Variants in ADCY9 observed in about 807,000 individuals in gnomAD.
ADCY9 encodes the protein adenylate cyclase 9, also known as adenylate cyclase type 9.
A neutral mutation model predicts 101.5 loss-of-function variants in ADCY9; 50 were observed. The ratio of observed to expected loss-of-function variants is 0.49; its 90% CI spans 0.39 to 0.62. The LOEUF is 0.62. ADCY9 is among the 20% of genes least tolerant of loss of function. The pLI, the probability that ADCY9 is intolerant of heterozygous loss-of-function variation, is 0.00. For missense variants in ADCY9, 1,662 were observed against 1,800.4 expected (o/e 0.92, Z 1.39); for synonymous variants, 905 against 769.3 (o/e 1.18, Z -2.92).
In ADCY9 at chr16:4,114,876, A is replaced by G; in HGVS notation, c.567T>C (p.Ala189=). The G allele has an allele frequency of 6.2e-7, 1 of 1,613,780 alleles. No individual in the cohort carries two copies. The highest frequency in any genetic ancestry group is 8.5e-7 in the Non-Finnish European group (1 of 1,180,034). Residue 189 remains alanine (A), a synonymous_variant, in exon 2 of 11, where the codon GCT becomes GCC. Coordinates refer to ENST00000294016, the MANE Select transcript of ADCY9 (RefSeq NM_001116.4). The surrounding 1 kb of genome is among the most constrained non-coding windows in gnomAD (Gnocchi z 4.3). ...LTLLVFALTL[A]AQFQVLTPVS... ...CAGGCGTCAAGACCTGGAACTGCGC[A>G]GCCAGGGTCAGGGCGAACACCAGCA...
chr16:4,097,487 T>TATACACACAC (rs76750792), intron 2 of ADCY9, among the ~76,000 whole-genome samples: 77 of 72,482 alleles, frequency 1.1e-3, no homozygotes, highest in South Asian at 2.8e-3. Flanking sequence ...TATATATATA[T>TATACACACAC]ACACACACAC....
At chr16:4,067,937 A>C (rs564589897) in intron 2 of ADCY9, among the ~76,000 whole-genome samples, 1 of 152,338 alleles carries the variant, frequency 6.6e-6, no homozygotes, top group East Asian at 1.9e-4. Context: ...CATAGAATTT[A>C]ATTAATTCTT....
chr16:4,076,234 T>C (rs1313434898), intron 2 of ADCY9, among the ~76,000 whole-genome samples: 2 of 152,168 alleles, frequency 1.3e-5, no homozygotes, highest in African/African-American at 4.8e-5. Context: ...ACAAAATTAG[T>C]GCCCAATTTC....
chr16:4,023,549 C>T (rs1354541394), intron 2 of ADCY9, among the ~76,000 whole-genome samples: 1 of 152,146 alleles, frequency 6.6e-6, no homozygotes, highest in African/African-American at 2.4e-5. Flanking sequence ...GTTCCCGATG[C>T]AGACTGAGGG....
At chr16:4,015,005 C>T (rs1371546282) in intron 2 of ADCY9, among the ~76,000 whole-genome samples, 5 of 133,188 alleles carry the variant, frequency 3.8e-5, no homozygotes, top group African/African-American at 5.6e-5. Context: ...ACAGTGGCTC[C>T]CTCAGCTCAC....
At position 3,966,555 on chromosome 16, in the gene ADCY9, C is replaced by T. The variant is rs146978463; in HGVS notation, c.3282G>A (p.Glu1094=). 3.4e-5 allele frequency: 55 copies of T among 1,614,052 alleles called. No individual in the cohort carries two copies. The African/African-American group carries it at 4.5e-4, about 13-fold the overall frequency. The change falls in exon 11 of 11, where the codon GAG becomes GAA. Residue 1094 remains glutamate (E), a synonymous_variant. Coordinates refer to ENST00000294016, the MANE Select transcript of ADCY9 (RefSeq NM_001116.4). Reference sequence around the variant, plus strand: ...TGCTGTAGTCCGGCTTGCTTAGGAGCTCGTCAAAGTCCCCGATGAGCTCGT... The same window carrying T: ...TGCTGTAGTCCGGCTTGCTTAGGAGTTCGTCAAAGTCCCCGATGAGCTCGT... ...VLNELIGDFD[E]LLSKPDYSSI...
intron 2 of ADCY9, among the ~76,000 whole-genome samples, chr16:4,083,596 A>T (rs554869852): frequency 1.3e-5 from 2 of 152,378 alleles, no homozygotes; most frequent in African/African-American, 4.8e-5. Context: ...TCAAAAAGTG[A>T]AACAACCCAA....
At chr16:3,989,818 CAT>C (rs557379679) in intron 5 of ADCY9, among the ~76,000 whole-genome samples, 149 of 152,320 alleles carry the variant, frequency 9.8e-4, no homozygotes, top group Admixed American at 8.5e-3. Flanking sequence ...CAAACGAAAA[CAT>C]AATTCAGAAC....
At chr16:4,072,040 A>G (rs977587287) in intron 2 of ADCY9, among the ~76,000 whole-genome samples, 1 of 152,170 alleles carries the variant, frequency 6.6e-6, no homozygotes, top group Admixed American at 6.5e-5. Flanking sequence ...TGTTTTGCCT[A>G]TTCTGACAGA....
intron 2 of ADCY9, among the ~76,000 whole-genome samples, chr16:4,097,064 T>A (rs1308249972): frequency 6.6e-6 from 1 of 152,134 alleles, no homozygotes; most frequent in Non-Finnish European, 1.5e-5. Context: ...ATATACTTCT[T>A]GAAATCTCCA....
At chr16:4,110,368 T>C (rs2057105902) in intron 2 of ADCY9, among the ~76,000 whole-genome samples, 1 of 148,632 alleles carries the variant, frequency 6.7e-6, no homozygotes, top group African/African-American at 2.5e-5. Flanking sequence ...CAATCATACT[T>C]ATACCTACTT....
chr16:4,059,636 A>T (rs1299186147), intron 2 of ADCY9, among the ~76,000 whole-genome samples: 1 of 151,380 alleles, frequency 6.6e-6, no homozygotes, highest in African/African-American at 2.4e-5. Flanking sequence ...GGTGGCTCCC[A>T]CCTGCAATTG....
intron 2 of ADCY9, among the ~76,000 whole-genome samples, chr16:4,040,934 G>A (rs534393148): frequency 7.2e-5 from 11 of 152,134 alleles, no homozygotes; most frequent in Non-Finnish European, 1.6e-4. Context: ...TCTGCTTCCA[G>A]TAGACATGGG....
chr16:3,960,099 C>A (rs978980135), downstream of ADCY9, among the ~76,000 whole-genome samples: 1 of 152,102 alleles, frequency 6.6e-6, no homozygotes, highest in Middle Eastern at 3.2e-3. Context: ...AGGTTTCCAG[C>A]GGAGAGTCCA....
At chr16:4,039,580 G>A (rs2056612949) in intron 2 of ADCY9, among the ~76,000 whole-genome samples, 1 of 150,354 alleles carries the variant, frequency 6.7e-6, no homozygotes, top group Admixed American at 6.7e-5. Flanking sequence ...TCGGGACGCT[G>A]AGATAGGAGA....
chr16:4,102,506 A>T (rs1003924502), intron 2 of ADCY9, among the ~76,000 whole-genome samples: 70 of 151,874 alleles, frequency 4.6e-4, no homozygotes, highest in African/African-American at 1.5e-3. Context: ...GCTCACCGCA[A>T]CCTCCGCCTC....
intron 3 of ADCY9, among the ~76,000 whole-genome samples, chr16:3,996,696 T>C (rs913425795): frequency 1.3e-5 from 2 of 152,230 alleles, no homozygotes; most frequent in Non-Finnish European, 2.9e-5. Context: ...TTAACTATGC[T>C]CTCTGGTCAT....
At chr16:3,956,644 C>G (rs2141661765) in intron 5 of ADCY9, among the ~76,000 whole-genome samples, 1 of 144,186 alleles carries the variant, frequency 6.9e-6, no homozygotes, top group South Asian at 2.3e-4. Flanking sequence ...GTGCATGCCA[C>G]CACACCTGGC....
downstream of ADCY9, among the ~76,000 whole-genome samples, chr16:3,958,317 A>T (rs2141662648): frequency 6.6e-6 from 1 of 152,230 alleles, no homozygotes; most frequent in South Asian, 2.1e-4. Context: ...TGAGGCGGGC[A>T]GATCACCTGA....
Sources: allele counts gnomAD v4.1 joint callset (sites outside exome capture counted in the v4.1 genomes callset), GRCh38; gene constraint gnomAD v4.1.1; non-coding constraint Gnocchi (gnomAD v3.1); transcripts MANE v1.5; gene names NCBI Gene and HGNC (gene_info 2026-07-23, HGNC 2026-07-21).